Variants in SPTY2D1 observed in about 807,000 individuals in gnomAD.
SPTY2D1 encodes protein SPT2 homolog.
In SPTY2D1, 21 loss-of-function variants were observed where a neutral mutation model predicts 64.0. The observed-to-expected ratio is 0.33, with a 90% CI of 0.23 to 0.47. The LOEUF is 0.47. Among genes scored for constraint, SPTY2D1 ranks in the 20% least tolerant of loss-of-function variants. The pLI is 1.00. For synonymous variants in SPTY2D1, 287 were observed against 286.8 expected (o/e 1.00, Z -0.01); for missense variants, 724 against 837.2 (o/e 0.86, Z 1.67).
intron 1 of SPTY2D1, 97 bp downstream of exon 1, chr11:18,634,101 G>C: frequency 7.3e-7 from 1 of 1,375,406 alleles, no homozygotes; most frequent in Non-Finnish European, 1.0e-6. Flanking sequence ...TCCTCTCCCG[G>C]AGCCGATAGG....
Position 18,615,351 on chromosome 11 carries a change from A to G in SPTY2D1, c.923T>C (p.Val308Ala). 6.2e-7 allele frequency: 1 copy of G among 1,614,124 alleles called. No individual in the cohort carries two copies. Among genetic ancestry groups the G allele is most frequent in the Non-Finnish European group, 8.5e-7 (1 of 1,180,018 alleles). Residue 308 changes from valine to alanine, a missense_variant, in exon 3 of 6, where the codon GTT (valine) becomes GCT (alanine). Physicochemically the swap from Val to Ala is moderately conservative, Grantham distance 64 (BLOSUM62 0). This residue lies in a region of SPTY2D1 where 426 missense variants were observed against 431.8 expected (regional missense o/e 0.99). Transcript: ENST00000336349. ...PSLREGHDKP[V>A]FNGAGKPHSS... is the part of the protein sequence containing the mutation. Reference sequence around the variant, plus strand: ...ATGAGGCTTTCCAGCTCCATTAAAAACAGGTTTGTCGTGGCCCTCACGAAG... The same window carrying G: ...ATGAGGCTTTCCAGCTCCATTAAAAGCAGGTTTGTCGTGGCCCTCACGAAG...
At chr11:18,624,029 G>C (rs973361956) in intron 1 of SPTY2D1, among the ~76,000 whole-genome samples, 1 of 152,210 alleles carries the variant, frequency 6.6e-6, no homozygotes, top group Admixed American at 6.5e-5. Context: ...TTTTTATGTG[G>C]ATGCACATTT....
chr11:18,609,979 T>TC, intron 5 of SPTY2D1, 25 bp from the exon 6 acceptor site: 1 of 1,597,986 alleles, frequency 6.3e-7, no homozygotes, highest in Non-Finnish European at 8.6e-7. Context: ...TTAAAGGGTA[T>TC]TTGTCAATAT....
intron 1 of SPTY2D1, among the ~76,000 whole-genome samples, chr11:18,619,990 G>A (rs1326651522): frequency 2.0e-5 from 3 of 152,192 alleles, no homozygotes; most frequent in Admixed American, 6.5e-5. Context: ...GACTGCAAGA[G>A]ATAGAAAGTG....
intron 3 of SPTY2D1, among the ~76,000 whole-genome samples, chr11:18,613,691 C>T (rs141091148): frequency 3.3e-5 from 5 of 152,212 alleles, no homozygotes; most frequent in African/African-American, 9.6e-5. Flanking sequence ...TTATATTCTC[C>T]GTGGAGCCTA....
intron 3 of SPTY2D1, among the ~76,000 whole-genome samples, chr11:18,614,226 T>C (rs1292926043): frequency 1.3e-5 from 2 of 152,102 alleles, no homozygotes; most frequent in Non-Finnish European, 2.9e-5. Flanking sequence ...AGTTAGAAAC[T>C]AGTATAGGCA....
chr11:18,624,503 A>G (rs1486080457), intron 1 of SPTY2D1, among the ~76,000 whole-genome samples: 3 of 152,220 alleles, frequency 2.0e-5, no homozygotes, highest in Non-Finnish European at 4.4e-5. Context: ...ACCACAGTGA[A>G]GCTTGTCATT....
intron 3 of SPTY2D1, among the ~76,000 whole-genome samples, chr11:18,613,384 T>C (rs1206204317): frequency 6.6e-6 from 1 of 152,242 alleles, no homozygotes; most frequent in Non-Finnish European, 1.5e-5. Context: ...TACAGACACT[T>C]CTTTTGTTCT....
intron 1 of SPTY2D1, among the ~76,000 whole-genome samples, chr11:18,630,274 A>C (rs1009506811): frequency 6.6e-6 from 1 of 151,874 alleles, no homozygotes; most frequent in African/African-American, 2.4e-5. Context: ...CAGGAGATTG[A>C]GACCATCCTG....
rs764240310 is a variant in SPTY2D1, at chr11:18,612,518, C to T, written c.1712-30G>A. On this transcript the variant is annotated intron_variant, in intron 3 of 5. Transcript: ENST00000336349. This position sits in a 1 kb window ranked among gnomAD's most constrained non-coding sequence, Gnocchi z 4.6. ...GAAACCATTATTTATAAGAATATTA[C>T]AATTTAAAATAGTTCCAATGCAGTT... 1.9e-6 allele frequency: 3 copies of T among 1,542,496 alleles called. No homozygotes were observed. The highest frequency in any genetic ancestry group is 2.5e-5 in the South Asian group (2 of 79,288).
At position 18,634,124 on chromosome 11, in the gene SPTY2D1, A is replaced by G. The variant is rs889913319; in HGVS notation, c.60+74T>C. 32 of 1,546,532 alleles carry G rather than the reference A, an allele frequency of 2.1e-5. No homozygotes were observed. In the Admixed American group the frequency reaches 3.2e-4, roughly 16 times the overall value. ...CGGAGCCGATAGGCGGCTGCCCAGA[A>G]GTTCCATGGGCCACACACATTCCGA... is the stretch of plus-strand genomic sequence containing the variant. On this transcript the variant is annotated intron_variant, in intron 1 of 5. Coordinates refer to ENST00000336349, the MANE Select transcript of SPTY2D1 (RefSeq NM_194285.3).
chr11:18,608,648 T>G lies in SPTY2D1; in HGVS notation c.*1213A>C, dbSNP rs1166267166. On this transcript the variant is annotated 3_prime_UTR_variant, in exon 6 of 6. Coordinates refer to ENST00000336349, the MANE Select transcript of SPTY2D1 (RefSeq NM_194285.3). The stretch of plus-strand genomic sequence containing the variant: ...GGCTTCCTTCCAGCATGATCCTAAG[T>G]CAGCCTGATTGGAACTGCTTGGACT... 6.6e-6 allele frequency: 1 copy of G among 152,250 alleles called. No individual in the cohort carries two copies. Among genetic ancestry groups the G allele is most frequent in the Non-Finnish European group, 1.5e-5 (1 of 68,030 alleles). 9.4% of individuals were successfully genotyped at this position (152,250 alleles called of 1,614,324 possible). A position where few individuals can be genotyped will look rare whatever the true frequency, so the allele number is the denominator to read the frequency against.
intron 3 of SPTY2D1, among the ~76,000 whole-genome samples, chr11:18,613,904 C>G (rs1314287886): frequency 6.6e-6 from 1 of 152,142 alleles, no homozygotes; most frequent in African/African-American, 2.4e-5. Flanking sequence ...CAAGAAATAT[C>G]TGCTGAATAA....
chr11:18,611,682 G>T, intron 4 of SPTY2D1, 128 bp from the exon 5 acceptor site: 1 of 804,610 alleles, frequency 1.2e-6, no homozygotes, highest in Non-Finnish European at 2.0e-6. Flanking sequence ...ATTATTCCTT[G>T]CTTGGCAGCG....
intron 1 of SPTY2D1, among the ~76,000 whole-genome samples, chr11:18,617,869 G>A (rs1396158991): frequency 6.6e-6 from 1 of 152,124 alleles, no homozygotes; most frequent in African/African-American, 2.4e-5. Context: ...TTGAACCCAG[G>A]AGGCAGAGGT....
At chr11:18,626,225 G>C (rs1384901502) in intron 1 of SPTY2D1, among the ~76,000 whole-genome samples, 1 of 152,082 alleles carries the variant, frequency 6.6e-6, no homozygotes, top group Non-Finnish European at 1.5e-5. Flanking sequence ...CAGTACTTCA[G>C]AAAGGTCTAC....
chr11:18,612,824 G>C lies in SPTY2D1; in HGVS notation c.1712-336C>G, dbSNP rs1433487721. Reference sequence around the variant, plus strand: ...TTGTTGCCTAGGCTGGAGTGCAATGGTGCGATCTCGGCTCACTGCAACCTC... The same window carrying C: ...TTGTTGCCTAGGCTGGAGTGCAATGCTGCGATCTCGGCTCACTGCAACCTC... On this transcript the variant is annotated intron_variant, in intron 3 of 5. Transcript: ENST00000336349. The surrounding 1 kb of genome is among the most constrained non-coding windows in gnomAD (Gnocchi z 4.6). Among the ~76,000 whole-genome samples the C allele has an allele frequency of 1.3e-5, 2 of 151,606 alleles. No homozygotes were observed. Among genetic ancestry groups the C allele is most frequent in the Non-Finnish European group, 2.9e-5 (2 of 67,960 alleles).
chr11:18,617,818 C>CAGCTGCTTAGGAGCT (rs1854325460), intron 1 of SPTY2D1, among the ~76,000 whole-genome samples: 1 of 142,490 alleles, frequency 7.0e-6, no homozygotes, highest in East Asian at 2.2e-4. Context: ...GGCGCACATC[C>CAGCTGCTTAGGAGCT]GTAATCCCAG....
chr11:18,617,127 C>A (rs1324375844), intron 1 of SPTY2D1, 138 bp from the exon 2 acceptor site: 6 of 644,024 alleles, frequency 9.3e-6, no homozygotes, highest in Non-Finnish European at 1.6e-5. Context: ...GATCATATAA[C>A]CCATAATAAA....
Sources: gnomAD v4.1 joint callset for allele counts (sites outside exome capture counted in the v4.1 genomes callset) on GRCh38, gnomAD v4.1.1 for gene constraint, gnomAD v4.1.1 regional missense constraint, Gnocchi (gnomAD v3.1) non-coding constraint, MANE v1.5 for transcripts, NCBI Gene and HGNC (gene_info 2026-07-23, HGNC 2026-07-21) for gene names.